RAB37: variants seen among roughly 807,000 people sequenced by gnomAD.
The protein encoded by RAB37 is RAB37, member RAS oncogene family, also known as ras-related protein Rab-37.
Under a neutral mutation model 33.1 loss-of-function variants are expected in RAB37, and 29 were observed. That is an observed-to-expected ratio of 0.88 (90% CI 0.65 to 1.20). RAB37 has a LOEUF of 1.20. Ranked by LOEUF, RAB37 falls within the 50% of genes most tolerant of loss-of-function variation. The probability of loss-of-function intolerance (pLI) is 0.00; values close to 1 mark genes in which losing one functional copy is unlikely to be tolerated. For missense variants in RAB37, 299 were observed against 301.1 expected, an observed-to-expected ratio of 0.99 and a Z score of 0.05; for synonymous variants, 128 against 119.5, an observed-to-expected ratio of 1.07 and a Z score of -0.47.
At chr17:74,688,510 G>A (rs893095837) in intron 1 of RAB37, among the ~76,000 whole-genome samples, 1 of 146,684 alleles carries the variant, frequency 6.8e-6, no homozygotes, top group East Asian at 2.0e-4. Context: ...CTGAGATCAC[G>A]CCACGGCACT....
chr17:74,698,565 G>A (rs1428725714), intron 1 of RAB37: 53 of 1,533,316 alleles, frequency 3.5e-5, no homozygotes, highest in Non-Finnish European at 3.5e-5. Context: ...CAGCAGGGGA[G>A]GGCCACACAC....
intron 1 of RAB37, among the ~76,000 whole-genome samples, chr17:74,672,019 T>C (rs2031718369): frequency 6.6e-6 from 1 of 152,152 alleles, no homozygotes; most frequent in South Asian, 2.1e-4. Context: ...CTGCTAGCAG[T>C]GGCCAAATAC....
At chr17:74,740,677 CT>C (rs1412265231) in intron 1 of RAB37, 90 bp from the exon 2 acceptor site, 2 of 931,134 alleles carry the variant, frequency 2.1e-6, no homozygotes, top group East Asian at 4.8e-5. Context: ...TGCCAGCCCC[CT>C]CTTCTCTGAT....
intron 1 of RAB37, 152 bp from the exon 2 acceptor site, chr17:74,740,616 A>G (rs11651291): frequency 1 from 672,426 of 674,796 alleles, 335,066 homozygotes; most frequent in East Asian, 1. Flanking sequence ...CAGGGTGAAG[A>G]TGGCGGCTGG....
intron 1 of RAB37, chr17:74,698,587 C>A (rs777488868): frequency 3.0e-4 from 458 of 1,517,052 alleles, no homozygotes; most frequent in Non-Finnish European, 3.8e-4. Flanking sequence ...TGATGAGCTG[C>A]AGGTCTGTAG....
chr17:74,690,924 TC>T (rs1464237494), intron 1 of RAB37, among the ~76,000 whole-genome samples: 1 of 152,192 alleles, frequency 6.6e-6, no homozygotes, highest in East Asian at 1.9e-4. Flanking sequence ...TGTAGACACT[TC>T]CTCGTTTTTT....
chr17:74,744,166 G>A lies in RAB37; in HGVS notation c.367-142G>A. On this transcript the variant is annotated intron_variant, in intron 5 of 8. Transcript: ENST00000392613. This position sits in a 1 kb window ranked among gnomAD's most constrained non-coding sequence, Gnocchi z 4.2. ...AAGGAAGGCCATCCAGGCCTGGATGGGCCAGAACAAAGGTACAGATGAGAG... is the reference window on the plus strand; with the variant it reads ...AAGGAAGGCCATCCAGGCCTGGATGAGCCAGAACAAAGGTACAGATGAGAG... 1 of 771,844 alleles carries A rather than the reference G, an allele frequency of 1.3e-6. No homozygotes were observed. Among genetic ancestry groups the A allele is most frequent in the South Asian group, 1.7e-5 (1 of 57,584 alleles). 47.8% of individuals were successfully genotyped at this position (771,844 alleles called of 1,614,324 possible).
upstream of RAB37, chr17:74,736,984 C>T (rs111652217): frequency 6.3e-7 from 1 of 1,579,114 alleles, no homozygotes. Flanking sequence ...AAGCAAGCGA[C>T]CACAGGGGAC....
intron 1 of RAB37, among the ~76,000 whole-genome samples, chr17:74,723,179 A>G (rs1323526283): frequency 3.3e-5 from 5 of 152,222 alleles, no homozygotes; most frequent in Non-Finnish European, 5.9e-5. Flanking sequence ...AGTGTATAAC[A>G]GGAGAAAATA....
At chr17:74,703,364 C>T (rs2033235465) in intron 1 of RAB37, among the ~76,000 whole-genome samples, 1 of 151,976 alleles carries the variant, frequency 6.6e-6, no homozygotes, top group Non-Finnish European at 1.5e-5. Flanking sequence ...CTGAGCTGGC[C>T]CTGGGAGGGT....
At chr17:74,712,320 AC>A (rs1414480623) in intron 1 of RAB37, among the ~76,000 whole-genome samples, 1 of 151,462 alleles carries the variant, frequency 6.6e-6, no homozygotes, top group Non-Finnish European at 1.5e-5. Context: ...TCTCCTCTTG[AC>A]CTTTCCGTCC....
At position 74,742,019 on chromosome 17, in the gene RAB37, C is replaced by T. The variant is rs1156916753; in HGVS notation, c.205-235C>T. Reference sequence around the variant, plus strand: ...GGAGAGAGCCAGGATGTTTCTCAGGCTCCTCTTGCCCTGCTGTTGTGAGAA... The same window carrying T: ...GGAGAGAGCCAGGATGTTTCTCAGGTTCCTCTTGCCCTGCTGTTGTGAGAA... On this transcript the variant is annotated intron_variant, in intron 2 of 8. Coordinates refer to ENST00000392613, the MANE Select transcript of RAB37 (RefSeq NM_001006638.3). The surrounding 1 kb of genome is among the most constrained non-coding windows in gnomAD (Gnocchi z 4.0). Among the ~76,000 whole-genome samples, 6 of 152,202 alleles carry T rather than the reference C, an allele frequency of 3.9e-5. 1 individual carries two copies. In the East Asian group the frequency reaches 1.2e-3, roughly 29 times the overall value.
At chr17:74,710,595 A>G (rs2033875681) in intron 1 of RAB37, among the ~76,000 whole-genome samples, 2 of 151,906 alleles carry the variant, frequency 1.3e-5, no homozygotes, top group Non-Finnish European at 2.9e-5. Flanking sequence ...GCGGTGGCTC[A>G]CGCCTGTAAT....
intron 1 of RAB37, among the ~76,000 whole-genome samples, chr17:74,728,090 C>CTGTGTGTGTGCATGTG (rs1302120545): frequency 6.6e-6 from 1 of 151,256 alleles, no homozygotes; most frequent in East Asian, 1.9e-4. Flanking sequence ...TTCTGAGTTT[C>CTGTGTGTGTGCATGTG]TGTGTGTGTG....
At chr17:74,678,315 C>A (rs747850660) in intron 1 of RAB37, among the ~76,000 whole-genome samples, 1 of 152,050 alleles carries the variant, frequency 6.6e-6, no homozygotes, top group Non-Finnish European at 1.5e-5. Flanking sequence ...AAATATTAAC[C>A]CCTAACTGAT....
chr17:74,682,996 T>C (rs774887413), intron 1 of RAB37, among the ~76,000 whole-genome samples: 1 of 152,234 alleles, frequency 6.6e-6, no homozygotes, highest in Non-Finnish European at 1.5e-5. Flanking sequence ...TGTCCCATGG[T>C]AATCCAGGGC....
intron 1 of RAB37, among the ~76,000 whole-genome samples, chr17:74,724,978 G>A (rs1362606072): frequency 6.6e-6 from 1 of 152,166 alleles, no homozygotes; most frequent in African/African-American, 2.4e-5. Context: ...ACATTTGGGG[G>A]CCAGGGCTAG....
At chr17:74,703,116 G>A in intron 1 of RAB37, 1 of 1,613,842 alleles carries the variant, frequency 6.2e-7, no homozygotes, top group Non-Finnish European at 8.5e-7. Flanking sequence ...CGTAGTGGAG[G>A]TAGGCGTGGT....
chr17:74,687,792 G>A lies in RAB37; in HGVS notation c.72+16134G>A, dbSNP rs576034163. Among the ~76,000 whole-genome samples the A allele has an allele frequency of 1.4e-3, 213 of 152,284 alleles. 3 individuals are homozygous for A. The highest frequency in any genetic ancestry group is 0.01 in the Middle Eastern group (3 of 294). ...ATGTGATGGAGCGGGTCCATGCCTG[G>A]AGAACAGTGTGAACCGGATCCATGG... On this transcript the variant is annotated intron_variant, in intron 1 of 7. Coordinates refer to the RAB37 transcript ENST00000340415.
Sources: allele counts gnomAD v4.1 joint callset (sites outside exome capture counted in the v4.1 genomes callset), GRCh38; gene constraint gnomAD v4.1.1; non-coding constraint Gnocchi (gnomAD v3.1); transcripts MANE v1.5; gene names NCBI Gene and HGNC (gene_info 2026-07-23, HGNC 2026-07-21).